Variants in ZNRF1 observed in about 807,000 individuals in gnomAD.
ZNRF1 encodes the protein zinc and ring finger 1.
Under a neutral mutation model 18.4 loss-of-function variants are expected in ZNRF1, and 3 were observed. The observed-to-expected ratio is 0.16, with a 90% CI of 0.07 to 0.42. The LOEUF is 0.42. Ranked by LOEUF, ZNRF1 falls within the 10% of genes least tolerant of loss-of-function variation. ZNRF1 has a pLI of 0.99. For synonymous variants in ZNRF1, 157 were observed against 144.2 expected (o/e 1.09, Z -0.64); for missense variants, 310 against 329.8 (o/e 0.94, Z 0.47).
At chr16:75,040,506 C>T (rs572362584) in intron 1 of ZNRF1, among the ~76,000 whole-genome samples, 1 of 150,140 alleles carries the variant, frequency 6.7e-6, no homozygotes, top group Admixed American at 6.7e-5. Context: ...TTTGCCTTTT[C>T]TGGGAATTTC....
intron 1 of ZNRF1, among the ~76,000 whole-genome samples, chr16:75,014,414 G>A (rs2035039931): frequency 1.3e-5 from 2 of 151,932 alleles, no homozygotes; most frequent in Non-Finnish European, 2.9e-5. Context: ...GATATTATGA[G>A]GTGTGTGTGT....
intron 1 of ZNRF1, among the ~76,000 whole-genome samples, chr16:75,010,701 G>GTTTTTTTTTTTTTTTTTT (rs1334552920): frequency 3.4e-4 from 22 of 63,810 alleles, no homozygotes; most frequent in East Asian, 1.5e-3. Context: ...GTACTGTACT[G>GTTTTTTTTTTTTTTTTTT]TTTTTTTTTG....
At chr16:75,010,069 GC>G (rs1221535116) in intron 1 of ZNRF1, among the ~76,000 whole-genome samples, 1 of 152,004 alleles carries the variant, frequency 6.6e-6, no homozygotes, top group African/African-American at 2.4e-5. Flanking sequence ...TACAACCTCT[GC>G]CCCCCGGGTT....
chr16:75,043,896 T>C (rs1464890875), intron 1 of ZNRF1, among the ~76,000 whole-genome samples: 1 of 148,916 alleles, frequency 6.7e-6, no homozygotes, highest in Non-Finnish European at 1.5e-5. Flanking sequence ...TTCAAGCCAT[T>C]CTCCTGCCTT....
intron 1 of ZNRF1, among the ~76,000 whole-genome samples, chr16:75,067,825 T>TAAATG (rs1323653989): frequency 6.6e-6 from 1 of 152,184 alleles, no homozygotes; most frequent in Admixed American, 6.5e-5. Context: ...GCTAAAGACC[T>TAAATG]AAATGAGAAT....
chr16:75,049,721 G>A (rs958027673), intron 1 of ZNRF1, among the ~76,000 whole-genome samples: 15 of 152,158 alleles, frequency 9.9e-5, no homozygotes, highest in Admixed American at 2.6e-4. Flanking sequence ...ACCTTCGCCC[G>A]GTTTTCTTCA....
At chr16:75,096,776 A>T (rs1359817643) in intron 2 of ZNRF1, among the ~76,000 whole-genome samples, 1 of 152,224 alleles carries the variant, frequency 6.6e-6, no homozygotes, top group African/African-American at 2.4e-5. Context: ...GCAGATAGAA[A>T]GTAGTATTTT....
At chr16:75,010,714 T>TTTTG (rs1555509231) in intron 1 of ZNRF1, among the ~76,000 whole-genome samples, 4 of 118,514 alleles carry the variant, frequency 3.4e-5, no homozygotes, top group East Asian at 3.3e-4. Flanking sequence ...TTTTTTTGTT[T>TTTTG]TTTTGTTTTT....
At chr16:75,020,646 A>T (rs1352288579) in intron 1 of ZNRF1, among the ~76,000 whole-genome samples, 1 of 151,702 alleles carries the variant, frequency 6.6e-6, no homozygotes, top group Non-Finnish European at 1.5e-5. Context: ...GGTTCACGCC[A>T]TTCTCTTGCT....
intron 1 of ZNRF1, among the ~76,000 whole-genome samples, chr16:75,071,683 A>G (rs1414951099): frequency 6.6e-6 from 1 of 152,202 alleles, no homozygotes; most frequent in Non-Finnish European, 1.5e-5. Context: ...GAAGGGTGGC[A>G]AGATTCTGGA....
chr16:75,034,839 C>G (rs2035356292), intron 1 of ZNRF1, among the ~76,000 whole-genome samples: 1 of 151,892 alleles, frequency 6.6e-6, no homozygotes, highest in Non-Finnish European at 1.5e-5. Context: ...GTTGCCCAGG[C>G]TGGTCTCAAA....
chr16:75,095,030 A>T (rs980983760), intron 2 of ZNRF1: 4 of 152,164 alleles, frequency 2.6e-5, no homozygotes, highest in African/African-American at 9.7e-5. Flanking sequence ...TCTTTCCCCT[A>T]CAAAGCATGA....
chr16:75,076,179 T>C (rs997891043), intron 1 of ZNRF1, among the ~76,000 whole-genome samples: 3 of 152,240 alleles, frequency 2.0e-5, no homozygotes, highest in African/African-American at 4.8e-5. Context: ...TGGATTGTTA[T>C]TGACATATCT....
At chr16:75,106,822 C>T (rs1349084659) in intron 4 of ZNRF1, 2 of 430,270 alleles carry the variant, frequency 4.6e-6, no homozygotes, top group Non-Finnish European at 8.7e-6. Context: ...GGGAAGAGAC[C>T]AGTACAATCT....
intron 2 of ZNRF1, among the ~76,000 whole-genome samples, chr16:75,098,974 C>G (rs1195991607): frequency 6.6e-6 from 1 of 152,200 alleles, no homozygotes; most frequent in Non-Finnish European, 1.5e-5. Flanking sequence ...TGTGTCTCTC[C>G]TGTCTGGTCT....
At chr16:75,042,209 A>T (rs1443535563) in intron 1 of ZNRF1, among the ~76,000 whole-genome samples, 2 of 152,140 alleles carry the variant, frequency 1.3e-5, no homozygotes, top group African/African-American at 4.8e-5. Flanking sequence ...TTATTTGCTT[A>T]TATGGTATCT....
chr16:75,028,871 C>T (rs893407437), intron 1 of ZNRF1, among the ~76,000 whole-genome samples: 5 of 152,212 alleles, frequency 3.3e-5, no homozygotes, highest in Non-Finnish European at 7.3e-5. Context: ...ATACGATGCT[C>T]ACTTAGTTTT....
intron 1 of ZNRF1, among the ~76,000 whole-genome samples, chr16:75,049,559 G>C (rs1030151075): frequency 6.6e-6 from 1 of 152,166 alleles, no homozygotes; most frequent in Non-Finnish European, 1.5e-5. Context: ...CACTTTGGGA[G>C]GCTGAGATGG....
At chr16:75,037,581 T>G (rs1419078557) in intron 1 of ZNRF1, among the ~76,000 whole-genome samples, 8 of 152,116 alleles carry the variant, frequency 5.3e-5, no homozygotes, top group Admixed American at 5.2e-4. Context: ...TCAGGTGATC[T>G]GCCACCTAGG....
Sources: allele counts gnomAD v4.1 joint callset (sites outside exome capture counted in the v4.1 genomes callset), GRCh38; gene constraint gnomAD v4.1.1; transcripts MANE v1.5; gene names NCBI Gene and HGNC (gene_info 2026-07-23, HGNC 2026-07-21).